CLIP4: variants seen among roughly 807,000 people sequenced by gnomAD.
CLIP4 encodes the protein CAP-Gly domain-containing linker protein 4.
Under a neutral mutation model 73.1 loss-of-function variants are expected in CLIP4, and 47 were observed. The observed-to-expected ratio is 0.64, with a 90% confidence interval of 0.51 to 0.82. CLIP4 has a LOEUF of 0.82. CLIP4 is among the 40% of genes least tolerant of loss of function. The pLI is 0.00. For missense variants in CLIP4, 874 were observed against 852.9 expected, an observed-to-expected ratio of 1.02 and a Z score of -0.31; for synonymous variants, 306 against 295.4, an observed-to-expected ratio of 1.04 and a Z score of -0.37.
At chr2:29,148,188 C>A (rs1473046092) in intron 8 of CLIP4, among the ~76,000 whole-genome samples, 1 of 152,142 alleles carries the variant, frequency 6.6e-6, no homozygotes, top group South Asian at 2.1e-4. Context: ...GCCCTGGGAG[C>A]CCCAGGTCAC....
intron 14 of CLIP4, among the ~76,000 whole-genome samples, chr2:29,171,621 C>T (rs773500872): frequency 2.0e-5 from 3 of 151,832 alleles, no homozygotes; most frequent in African/African-American, 4.8e-5. Context: ...CGGGTTCACG[C>T]CATCCTCCTG....
chr2:29,159,454 G>A (rs71444411), intron 11 of CLIP4, among the ~76,000 whole-genome samples: 5,093 of 152,126 alleles, frequency 0.033, 122 homozygotes, highest in African/African-American at 0.054. Flanking sequence ...GGCATTTCAA[G>A]GTTTAGTTTT....
At chr2:29,169,120 A>T (rs1667830716) in intron 14 of CLIP4, among the ~76,000 whole-genome samples, 1 of 152,132 alleles carries the variant, frequency 6.6e-6, no homozygotes, top group Admixed American at 6.5e-5. Context: ...GAATTTTCTA[A>T]GGATGTTTGA....
chr2:29,105,691 C>G (rs148747769), intron 1 of CLIP4, among the ~76,000 whole-genome samples: 472 of 152,274 alleles, frequency 3.1e-3, no homozygotes, highest in African/African-American at 0.011. Context: ...GAAACCTAGT[C>G]CCCATTGTGA....
chr2:29,129,086 A>C (rs1001720966), intron 2 of CLIP4, among the ~76,000 whole-genome samples: 3 of 152,190 alleles, frequency 2.0e-5, no homozygotes, highest in Admixed American at 2.0e-4. Flanking sequence ...CGAAAATTTC[A>C]TGAGACATTA....
rs1439628194 is a variant in CLIP4 at position 29,118,562 on chromosome 2, A to G, written c.-15-2812A>G. Among the ~76,000 whole-genome samples the G allele has an allele frequency of 2.8e-5, 4 of 143,922 alleles. No individual in the cohort carries two copies. In the East Asian group the frequency reaches 8.1e-4, roughly 29 times the overall value. 94.4% of individuals were successfully genotyped at this position (143,922 alleles called of 152,430 possible). A position where few individuals can be genotyped will look rare whatever the true frequency, so the allele number is the denominator to read the frequency against. On this transcript the variant is annotated intron_variant, in intron 1 of 15. Coordinates refer to ENST00000320081, the MANE Select transcript of CLIP4 (RefSeq NM_024692.6). ...AGATGGAGTTTCGCTCTTCTTGCCC[A>G]GGCTGGACTGCAGTGGCGGGATCTC...
At chr2:29,103,372 C>T (rs1361772049) in intron 1 of CLIP4, among the ~76,000 whole-genome samples, 1 of 151,650 alleles carries the variant, frequency 6.6e-6, no homozygotes, top group African/African-American at 2.4e-5. Flanking sequence ...TTTTTAGTTT[C>T]TAAAACACCC....
intron 15 of CLIP4, among the ~76,000 whole-genome samples, chr2:29,177,747 A>G (rs891444340): frequency 6.6e-6 from 1 of 152,158 alleles, no homozygotes; most frequent in Non-Finnish European, 1.5e-5. Context: ...TGTACTGTAT[A>G]CAGTCTTTAT....
At chr2:29,135,500 A>T (rs1296426295) in intron 5 of CLIP4, 48 bp from the exon 6 acceptor site, 1 of 1,361,920 alleles carries the variant, frequency 7.3e-7, no homozygotes, top group South Asian at 1.3e-5. Context: ...AAATTATGAT[A>T]GCTAAGTTTA....
chr2:29,131,459 T>G, intron 3 of CLIP4, 62 bp downstream of exon 3: 1 of 1,506,576 alleles, frequency 6.6e-7, no homozygotes, highest in Non-Finnish European at 8.9e-7. Context: ...TAGATTTTTT[T>G]CCCCATCTGA....
chr2:29,162,040 T>A (rs1443616068), intron 12 of CLIP4, among the ~76,000 whole-genome samples: 2 of 152,202 alleles, frequency 1.3e-5, no homozygotes, highest in African/African-American at 4.8e-5. Flanking sequence ...TTAGTTAGGA[T>A]ATACTTAATA....
chr2:29,153,385 G>A (rs952319883), intron 9 of CLIP4, among the ~76,000 whole-genome samples: 1 of 152,000 alleles, frequency 6.6e-6, no homozygotes, highest in Non-Finnish European at 1.5e-5. Flanking sequence ...CTATTTATCT[G>A]TGTGCAGTAA....
At chr2:29,148,959 G>C (rs1210575644) in intron 8 of CLIP4, among the ~76,000 whole-genome samples, 2 of 152,128 alleles carry the variant, frequency 1.3e-5, no homozygotes, top group Non-Finnish European at 2.9e-5. Flanking sequence ...TTGGGATGAG[G>C]AAAGTTAGAT....
intron 6 of CLIP4, among the ~76,000 whole-genome samples, chr2:29,143,246 G>A (rs1232176327): frequency 6.6e-6 from 1 of 152,044 alleles, no homozygotes; most frequent in Non-Finnish European, 1.5e-5. Context: ...TGGACGCCTT[G>A]CTTTTCCCTG....
chr2:29,137,003 A>G (rs575938625), intron 6 of CLIP4, among the ~76,000 whole-genome samples: 1 of 151,732 alleles, frequency 6.6e-6, no homozygotes, highest in African/African-American at 2.4e-5. Context: ...CTCAGACCAT[A>G]CTTTGATAGC....
intron 6 of CLIP4, among the ~76,000 whole-genome samples, chr2:29,135,970 T>C (rs1274989201): frequency 1.3e-5 from 2 of 152,198 alleles, no homozygotes; most frequent in African/African-American, 2.4e-5. Context: ...AGCTGTTAAG[T>C]AGCAATACAT....
In CLIP4 at chr2:29,181,788, C is replaced by G. The variant is rs773428387; in HGVS notation, c.2013C>G (p.Asp671Glu). The change falls in exon 16 of 16, where the codon GAC becomes GAG. Residue 671 changes from aspartate (D) to glutamate (E), a missense_variant. Transcript: ENST00000320081. ...GAAAAAATGATGGGTCAGTGGGTGA[C>G]AAGCGCTATTTCACCTGTAAGCCGA... is the stretch of plus-strand genomic sequence containing the variant. ...AKGKNDGSVG[D>E]KRYFTCKPNH... 4 of 1,614,192 alleles carry G rather than the reference C, an allele frequency of 2.5e-6. No individual in the cohort carries two copies. The highest frequency in any genetic ancestry group is 3.4e-6 in the Non-Finnish European group (4 of 1,180,024).
At chr2:29,146,528 A>G (rs967908155) in intron 8 of CLIP4, among the ~76,000 whole-genome samples, 5 of 152,156 alleles carry the variant, frequency 3.3e-5, no homozygotes, top group African/African-American at 1.2e-4. Context: ...ACACACACCT[A>G]TCCTGTCTAT....
At chr2:29,116,675 T>A (rs1462120872) in intron 1 of CLIP4, among the ~76,000 whole-genome samples, 2 of 152,254 alleles carry the variant, frequency 1.3e-5, no homozygotes, top group Non-Finnish European at 2.9e-5. Context: ...AGAACCATCC[T>A]GGTTCCAGCT....
Sources: allele counts gnomAD v4.1 joint callset (sites outside exome capture counted in the v4.1 genomes callset), GRCh38; gene constraint gnomAD v4.1.1; transcripts MANE v1.5; gene names NCBI Gene and HGNC (gene_info 2026-07-23, HGNC 2026-07-21).